The following HK2 variants were observed in gnomAD, a reference collection of about 807,000 sequenced individuals.
HK2 encodes hexokinase-2.
A neutral mutation model predicts 92.9 loss-of-function variants in HK2; 42 were observed. That is an observed-to-expected ratio of 0.45 (90% CI 0.35 to 0.58). HK2 has a LOEUF of 0.58. Ranked by LOEUF, HK2 falls within the 20% of genes least tolerant of loss-of-function variation. The pLI is 0.00. For synonymous variants in HK2, 422 were observed against 468.0 expected (o/e 0.90, Z 1.27); for missense variants, 978 against 1,245.1 (o/e 0.79, Z 3.23).
chr2:74,837,597 A>G (rs1259957029), intron 1 of HK2, among the ~76,000 whole-genome samples: 1 of 150,274 alleles, frequency 6.7e-6, no homozygotes, highest in Non-Finnish European at 1.5e-5. Flanking sequence ...TCTACCCCCC[A>G]GCTTAGCCTC....
chr2:74,885,631 A>G, intron 13 of HK2, 42 bp downstream of exon 13: 1 of 1,260,734 alleles, frequency 7.9e-7, no homozygotes, highest in East Asian at 2.3e-5. Flanking sequence ...TCAGCTCCTC[A>G]ATGATTGGCC....
intron 8 of HK2, 79 bp downstream of exon 8, chr2:74,877,400 G>A: frequency 2.0e-6 from 3 of 1,523,628 alleles, no homozygotes; most frequent in South Asian, 2.3e-5. Flanking sequence ...GGAGGGGGCT[G>A]TACCTTTTGA....
intron 10 of HK2, 80 bp from the exon 11 acceptor site, chr2:74,881,631 T>G: frequency 7.1e-7 from 1 of 1,400,482 alleles, no homozygotes; most frequent in Non-Finnish European, 1.0e-6. Context: ...GAATGGTGTA[T>G]TTGGATCGTT....
chr2:74,871,860 C>T (rs1261475654), intron 3 of HK2, among the ~76,000 whole-genome samples: 1 of 152,178 alleles, frequency 6.6e-6, no homozygotes, highest in African/African-American at 2.4e-5. Context: ...TACTAAAATA[C>T]TTCTTGGCAG....
rs530781275 is a variant in HK2 at position 74,873,333 on chromosome 2, G to A, written c.553G>A (p.Val185Ile). 5.8e-5 allele frequency: 94 copies of A among 1,613,986 alleles called. No homozygotes were observed. The East Asian group carries it at 1.4e-3, about 24-fold the overall frequency. ...GTCCAGTGGAGTGGAAGGCAGAGAC[G>A]TTGTGGCTCTGATCCGGAAGGCCAT... Reference protein sequence around the residue: ...FKSSGVEGRDVVALIRKAIQR... With the variant: ...FKSSGVEGRDIVALIRKAIQR... The change falls in exon 5 of 18, where the codon GTT (valine) becomes ATT (isoleucine). Residue 185 changes from valine to isoleucine, a missense_variant. Coordinates refer to ENST00000290573, the MANE Select transcript of HK2 (RefSeq NM_000189.5).
Position 74,878,858 on chromosome 2 carries a change from A to C in HK2, c.1202A>C (p.Lys401Thr). ...GTGCTGCAGCGCATCAAGGAGAACA[A>C]AGGCGAGGAGCGGCTGCGCTCTACT... ...AAVLQRIKEN[K>T]GEERLRSTIG... The change falls in exon 9 of 18, where the codon AAA becomes ACA. Residue 401 changes from lysine to threonine, a missense_variant. Lys to Thr is a moderately conservative substitution (Grantham distance 78, BLOSUM62 -1). Around this residue, in one of 3 missense-constraint regions of HK2, gnomAD observed 742 missense variants for 922.5 expected, o/e 0.80. Coordinates refer to ENST00000290573, the MANE Select transcript of HK2 (RefSeq NM_000189.5). The C allele has an allele frequency of 6.4e-7, 1 of 1,553,268 alleles. No homozygotes were observed. The highest frequency in any genetic ancestry group is 8.7e-7 in the Non-Finnish European group (1 of 1,147,874).
In HK2 at chr2:74,836,359, C is replaced by G. The variant is rs80301267; in HGVS notation, c.63+1716C>G. Among the ~76,000 whole-genome samples the G allele has an allele frequency of 3.3e-5, 5 of 152,198 alleles. No homozygotes were observed. In the East Asian group the frequency reaches 9.6e-4, roughly 29 times the overall value. Reference sequence around the variant, plus strand: ...TTGGAATGGGGGTCATCTCTCTTCCCCCAGAGTGGAACGGGAATTAACCAG... The same window carrying G: ...TTGGAATGGGGGTCATCTCTCTTCCGCCAGAGTGGAACGGGAATTAACCAG... On this transcript the variant is annotated intron_variant, in intron 1 of 17. Coordinates refer to ENST00000290573, the MANE Select transcript of HK2 (RefSeq NM_000189.5).
rs2229627 is a variant in HK2 at position 74,886,662 on chromosome 2, C to T, written c.2208C>T (p.Pro736=). 8.1e-5 allele frequency: 130 copies of T among 1,613,410 alleles called. No homozygotes were observed. Among genetic ancestry groups the T allele is most frequent in the African/African-American group, 4.0e-4 (30 of 74,660 alleles). Residue 736 remains proline, a synonymous_variant, in exon 15 of 18, where the codon CCC becomes CCT. Transcript: ENST00000290573. ...CTGTGGATGAGCTTTCACTCAACCC[C>T]GGCAAGCAGAGGTAGGCACCCAACT... ...DVAVDELSLN[P]GKQRFEKMIS... is the part of the protein sequence containing the mutation.
At chr2:74,848,828 A>G (rs1028789251) in intron 1 of HK2, among the ~76,000 whole-genome samples, 1 of 152,202 alleles carries the variant, frequency 6.6e-6, no homozygotes, top group Non-Finnish European at 1.5e-5. Context: ...TTTCAGTTGC[A>G]TTGGGCCTGC....
In HK2 at chr2:74,882,461, T is replaced by C. The variant is rs533943776; in HGVS notation, c.1839+222T>C. ...ACAGCCTTTGGGACAACGATGATGA[T>C]GCTACTCAATGTTAACAACTGCCGG... is the stretch of plus-strand genomic sequence containing the variant. On this transcript the variant is annotated intron_variant, in intron 12 of 17. Coordinates refer to ENST00000290573, the MANE Select transcript of HK2 (RefSeq NM_000189.5). 1.0e-3 allele frequency among the ~76,000 whole-genome samples: 159 copies of C among 151,554 alleles called. 2 individuals are homozygous for C. Among genetic ancestry groups the C allele is most frequent in the African/African-American group, 3.7e-3 (153 of 41,276 alleles).
intron 2 of HK2, among the ~76,000 whole-genome samples, chr2:74,865,306 A>G (rs762007069): frequency 6.6e-6 from 1 of 151,594 alleles, no homozygotes; most frequent in Non-Finnish European, 1.5e-5. Context: ...CCTTCAGTCC[A>G]TCAGAAAATC....
rs188327158 is a variant in HK2 at position 74,845,934 on chromosome 2, A to G, written c.64-8359A>G. Among the ~76,000 whole-genome samples, 736 of 152,308 alleles carry G rather than the reference A, an allele frequency of 4.8e-3. 4 individuals are homozygous for G. Among genetic ancestry groups the G allele is most frequent in the Non-Finnish European group, 6.7e-3 (456 of 68,024 alleles). On this transcript the variant is annotated intron_variant, in intron 1 of 17. Transcript: ENST00000290573. ...CTTCCCAGGAGGAGTCTGTGAGGGCATTATTATTAATGAGGTCACTGACAG... is the reference window on the plus strand; with the variant it reads ...CTTCCCAGGAGGAGTCTGTGAGGGCGTTATTATTAATGAGGTCACTGACAG...
intron 2 of HK2, among the ~76,000 whole-genome samples, chr2:74,864,275 T>C (rs535913714): frequency 6.6e-6 from 1 of 152,348 alleles, no homozygotes; most frequent in African/African-American, 2.4e-5. Flanking sequence ...GCTGTGCGTT[T>C]ATAGCCATGT....
intron 1 of HK2, among the ~76,000 whole-genome samples, chr2:74,838,740 G>A (rs759835841): frequency 1.3e-5 from 2 of 151,868 alleles, no homozygotes; most frequent in African/African-American, 2.4e-5. Flanking sequence ...AGGTTTCACC[G>A]TGTTATCCAG....
rs1258640970 is a variant in HK2 at position 74,854,406 on chromosome 2, A to G, written c.177A>G (p.Ala59=). ...KGLGATTHPT[A]AVKMLPTFVR... is the part of the protein sequence containing the mutation. ...TTGGAGCCACCACTCACCCTACTGC[A>G]GCAGTGAAGATGCTGCCCACCTTTG... is the stretch of plus-strand genomic sequence containing the variant. Residue 59 remains alanine (A), a synonymous_variant, in exon 2 of 18, where the codon GCA becomes GCG. Coordinates refer to ENST00000290573, the MANE Select transcript of HK2 (RefSeq NM_000189.5). The G allele has an allele frequency of 6.2e-7, 1 of 1,614,196 alleles. No homozygotes were observed. The highest frequency in any genetic ancestry group is 1.1e-5 in the South Asian group (1 of 91,086).
At chr2:74,880,216 T>C (rs1457281343) in intron 9 of HK2, 49 bp from the exon 10 acceptor site, 1 of 1,602,038 alleles carries the variant, frequency 6.2e-7, no homozygotes, top group Admixed American at 1.7e-5. Flanking sequence ...TTTGCACCAT[T>C]GACCCTAACC....
intron 3 of HK2, among the ~76,000 whole-genome samples, chr2:74,868,174 T>G (rs1206950562): frequency 2.0e-5 from 3 of 152,150 alleles, no homozygotes; most frequent in Non-Finnish European, 4.4e-5. Context: ...TGGGGAGATA[T>G]TTTTAGACTC....
intron 2 of HK2, among the ~76,000 whole-genome samples, chr2:74,866,808 T>C (rs1688959933): frequency 1.3e-5 from 2 of 152,182 alleles, no homozygotes; most frequent in South Asian, 4.1e-4. Flanking sequence ...TGAGATCCTT[T>C]GAGGGGGCAC....
chr2:74,868,706 C>T (rs6720940), intron 3 of HK2, among the ~76,000 whole-genome samples: 4,657 of 152,180 alleles, frequency 0.031, 206 homozygotes, highest in African/African-American at 0.1. Context: ...CTGCCTTGGG[C>T]CACATCCCCC....
Sources: allele counts gnomAD v4.1 joint callset (sites outside exome capture counted in the v4.1 genomes callset), GRCh38; gene constraint gnomAD v4.1.1; regional missense constraint gnomAD v4.1.1; transcripts MANE v1.5; gene names NCBI Gene and HGNC (gene_info 2026-07-23, HGNC 2026-07-21).